Variants in GLRA1 observed in about 807,000 individuals in gnomAD.
The protein encoded by GLRA1 is glycine receptor subunit alpha-1.
In GLRA1, 37 loss-of-function variants were observed where a neutral mutation model predicts 48.3. The ratio of observed to expected loss-of-function variants is 0.77; its 90% CI spans 0.59 to 1.01. The LOEUF (loss-of-function observed/expected upper bound fraction) is 1.01. Ranked by LOEUF, GLRA1 falls within the 50% of genes least tolerant of loss-of-function variation. GLRA1 has a pLI of 0.00. For missense variants in GLRA1, 427 were observed against 571.0 expected, an observed-to-expected ratio of 0.75 and a Z score of 2.57; for synonymous variants, 196 against 210.7, an observed-to-expected ratio of 0.93 and a Z score of 0.60.
chr5:151,837,668 G>T (rs1032080039), intron 7 of GLRA1, among the ~76,000 whole-genome samples: 1 of 152,200 alleles, frequency 6.6e-6, no homozygotes, highest in Admixed American at 6.5e-5. Context: ...TGGGGACATG[G>T]ATGAAGCTGG....
intron 1 of GLRA1, among the ~76,000 whole-genome samples, chr5:151,896,509 A>C (rs1000447404): frequency 6.6e-6 from 1 of 152,218 alleles, no homozygotes; most frequent in African/African-American, 2.4e-5. Flanking sequence ...GAATTCTAGC[A>C]ATCTGTATAT....
chr5:151,901,074 A>C (rs1754355102), intron 1 of GLRA1, among the ~76,000 whole-genome samples: 1 of 152,328 alleles, frequency 6.6e-6, no homozygotes, highest in South Asian at 2.1e-4. Flanking sequence ...GAAAATATTT[A>C]ATGTCTTCAG....
At position 151,900,174 on chromosome 5, in the gene GLRA1, A is replaced by C. The variant is rs77475040; in HGVS notation, c.57-7736T>G. ...CTAGAGAAAGAAGAATGAGGTACCT[A>C]GTAAAATTTAAGGAGGCACTCAATC... On this transcript the variant is annotated intron_variant, in intron 1 of 8. Coordinates refer to ENST00000274576, the MANE Select transcript of GLRA1 (RefSeq NM_000171.4). Among the ~76,000 whole-genome samples the C allele has an allele frequency of 8.7e-3, 1,328 of 152,228 alleles. 17 individuals carry two copies. The highest frequency in any genetic ancestry group is 0.031 in the African/African-American group (1,277 of 41,528).
At chr5:151,876,110 C>G (rs1194698509) in intron 3 of GLRA1, among the ~76,000 whole-genome samples, 1 of 152,206 alleles carries the variant, frequency 6.6e-6, no homozygotes, top group Admixed American at 6.5e-5. Flanking sequence ...TTCATGCTGT[C>G]TTTGTTTCAA....
At chr5:151,866,552 A>T (rs369283019) in intron 3 of GLRA1, among the ~76,000 whole-genome samples, 15 of 152,148 alleles carry the variant, frequency 9.9e-5, no homozygotes, top group African/African-American at 3.4e-4. Context: ...GAACCAAGAG[A>T]CATTGCATCA....
intron 7 of GLRA1, among the ~76,000 whole-genome samples, chr5:151,834,813 G>T (rs1581601838): frequency 6.6e-6 from 1 of 151,694 alleles, no homozygotes; most frequent in African/African-American, 2.4e-5. Context: ...GGATCATGAG[G>T]TCAAGAGATC....
intron 1 of GLRA1, among the ~76,000 whole-genome samples, chr5:151,894,372 G>A (rs972941243): frequency 6.6e-6 from 1 of 152,122 alleles, no homozygotes; most frequent in African/African-American, 2.4e-5. Context: ...GCAAACATTT[G>A]TGGGATGCAT....
chr5:151,913,171 C>G (rs1009830473), intron 1 of GLRA1, among the ~76,000 whole-genome samples: 1 of 152,118 alleles, frequency 6.6e-6, no homozygotes, highest in Non-Finnish European at 1.5e-5. Flanking sequence ...AGTGGGACTT[C>G]GTGTATCTAT....
At chr5:151,872,426 A>G (rs1753509189) in intron 3 of GLRA1, among the ~76,000 whole-genome samples, 1 of 149,742 alleles carries the variant, frequency 6.7e-6, no homozygotes, top group Non-Finnish European at 1.5e-5. Context: ...GGCAAGGATG[A>G]AGAGAAATAA....
intron 3 of GLRA1, among the ~76,000 whole-genome samples, chr5:151,884,338 A>C (rs1221396095): frequency 6.6e-6 from 1 of 152,202 alleles, no homozygotes; most frequent in East Asian, 1.9e-4. Context: ...CTGAGGCACA[A>C]GAATTGCTTG....
At chr5:151,885,498 G>T (rs1753877236) in intron 3 of GLRA1, among the ~76,000 whole-genome samples, 1 of 152,210 alleles carries the variant, frequency 6.6e-6, no homozygotes, top group South Asian at 2.1e-4. Context: ...ACACGTACGC[G>T]CATGTTACAG....
intron 1 of GLRA1, among the ~76,000 whole-genome samples, chr5:151,913,832 A>G (rs1388558142): frequency 1.3e-5 from 2 of 152,212 alleles, no homozygotes; most frequent in African/African-American, 2.4e-5. Context: ...TATATGATTT[A>G]TAGGATTGTT....
chr5:151,885,031 G>A (rs1371930921), intron 3 of GLRA1, among the ~76,000 whole-genome samples: 1 of 152,188 alleles, frequency 6.6e-6, no homozygotes, highest in African/African-American at 2.4e-5. Flanking sequence ...TCCATTTGGA[G>A]ATAAGAGGCC....
chr5:151,884,136 A>C (rs1270957359), intron 3 of GLRA1, among the ~76,000 whole-genome samples: 1 of 152,128 alleles, frequency 6.6e-6, no homozygotes, highest in Non-Finnish European at 1.5e-5. Flanking sequence ...ACAATGATAA[A>C]CATTTTTCTA....
intron 8 of GLRA1, among the ~76,000 whole-genome samples, chr5:151,826,988 T>A (rs2964609): frequency 1.3e-5 from 2 of 150,950 alleles, no homozygotes; most frequent in African/African-American, 4.9e-5. Context: ...AAATAAAATC[T>A]TAGAGATACT....
At chr5:151,833,682 C>T (rs893627475) in intron 7 of GLRA1, among the ~76,000 whole-genome samples, 17 of 151,812 alleles carry the variant, frequency 1.1e-4, no homozygotes, top group Non-Finnish European at 2.1e-4. Flanking sequence ...AGGCTAGTCT[C>T]GAACTCCTGA....
intron 1 of GLRA1, among the ~76,000 whole-genome samples, chr5:151,907,104 T>A (rs1239190688): frequency 1.3e-5 from 2 of 152,194 alleles, no homozygotes; most frequent in Non-Finnish European, 2.9e-5. Context: ...TATTACTTAC[T>A]TGGGTGTTCT....
rs1554083817 is a variant in GLRA1, at chr5:151,855,127, C to T, written c.610G>A (p.Val204Met). 6.8e-6 allele frequency: 11 copies of T among 1,613,782 alleles called. No homozygotes were observed. The East Asian group carries it at 8.9e-5, about 13-fold the overall frequency. Residue 204 changes from valine to methionine, a missense_variant, in exon 6 of 9, where the codon GTG becomes ATG. Physicochemically the swap from Val to Met is conservative, Grantham distance 21. Coordinates refer to ENST00000274576, the MANE Select transcript of GLRA1 (RefSeq NM_000171.4). Reference protein sequence around the residue: ...LIFEWQEQGAVQVADGLTLPQ... With the variant: ...LIFEWQEQGAMQVADGLTLPQ... Reference sequence around the variant, plus strand: ...AGAGTTAGTCCATCTGCTACCTGCACGGCTCCCTGTTCCTGCCACTCAAAG... The same window carrying T: ...AGAGTTAGTCCATCTGCTACCTGCATGGCTCCCTGTTCCTGCCACTCAAAG...
At chr5:151,881,440 C>A (rs1278800935) in intron 3 of GLRA1, among the ~76,000 whole-genome samples, 2 of 151,414 alleles carry the variant, frequency 1.3e-5, no homozygotes, top group Non-Finnish European at 2.9e-5. Flanking sequence ...CCTGCCTCAG[C>A]CCCTGCTCCA....
Sources: allele counts gnomAD v4.1 joint callset (sites outside exome capture counted in the v4.1 genomes callset), GRCh38; gene constraint gnomAD v4.1.1; transcripts MANE v1.5; gene names NCBI Gene and HGNC (gene_info 2026-07-23, HGNC 2026-07-21).